The following EML5 variants were observed in gnomAD, a reference collection of about 807,000 sequenced individuals.
EML5 encodes EMAP like 5.
Under a neutral mutation model 250.0 loss-of-function variants are expected in EML5, and 120 were observed. The observed-to-expected ratio is 0.48, with a 90% confidence interval of 0.41 to 0.56. The LOEUF is 0.56. Among genes scored for constraint, EML5 ranks in the 20% least tolerant of loss-of-function variants. The pLI is 0.00. For missense variants in EML5, 2,006 were observed against 2,437.6 expected (o/e 0.82, Z 3.73); for synonymous variants, 771 against 806.5 (o/e 0.96, Z 0.75).
At chr14:88,638,567 C>T (rs1464638805) in intron 32 of EML5, among the ~76,000 whole-genome samples, 1 of 152,224 alleles carries the variant, frequency 6.6e-6, no homozygotes, top group Non-Finnish European at 1.5e-5. Flanking sequence ...CCAACTATTT[C>T]AACTACCATA....
At position 88,618,011 on chromosome 14, in the gene EML5, T is replaced by TAAA. The variant is rs35255737; in HGVS notation, c.5642+214_5642+216dup. On this transcript the variant is annotated intron_variant, in intron 41 of 43. Coordinates refer to ENST00000554922, the MANE Select transcript of EML5 (RefSeq NM_183387.3). ...TTTAAAGTTAAAACTTTGATTTCCTTAAAAAAAAAACTTGATAAATCATGG... is the reference window on the plus strand; with the variant it reads ...TTTAAAGTTAAAACTTTGATTTCCTTAAAAAAAAAAAAACTTGATAAATCATGG... 3.3e-3 allele frequency: 964 copies of TAAA among 288,524 alleles called. 1 individual carries two copies. Among genetic ancestry groups the TAAA allele is most frequent in the South Asian group, 9.3e-3 (89 of 9,600 alleles). 17.9% of individuals were successfully genotyped at this position (288,524 alleles called of 1,614,324 possible). A position where few individuals can be genotyped will look rare whatever the true frequency, so the allele number is the denominator to read the frequency against.
At chr14:88,692,781 T>C (rs756233305) in intron 17 of EML5, among the ~76,000 whole-genome samples, 1 of 152,254 alleles carries the variant, frequency 6.6e-6, no homozygotes, top group Non-Finnish European at 1.5e-5. Flanking sequence ...TAAACGCATA[T>C]GCTGTTATCT....
At chr14:88,789,342 A>G (rs187587569) in intron 1 of EML5, among the ~76,000 whole-genome samples, 1 of 152,332 alleles carries the variant, frequency 6.6e-6, no homozygotes, top group African/African-American at 2.4e-5. Context: ...CATTGAAACT[A>G]ATTGCCATAT....
chr14:88,625,287 A>ACTTAGCTTTGTCAGG (rs2089749901), intron 35 of EML5, 160 bp from the exon 36 acceptor site: 3 of 746,260 alleles, frequency 4.0e-6, no homozygotes, highest in Non-Finnish European at 6.2e-6. Flanking sequence ...AGGAAACCTG[A>ACTTAGCTTTGTCAGG]ACGGGAGGCT....
intron 1 of EML5, among the ~76,000 whole-genome samples, chr14:88,755,839 A>AAT (rs1566757221): frequency 1.3e-5 from 2 of 151,910 alleles, no homozygotes; most frequent in African/African-American, 4.8e-5. Context: ...CAAAAAAAAA[A>AAT]TTTTTTTTAA....
chr14:88,643,735 C>T (rs1372769050), intron 30 of EML5, among the ~76,000 whole-genome samples: 1 of 152,212 alleles, frequency 6.6e-6, no homozygotes, highest in Admixed American at 6.5e-5. Flanking sequence ...GTACATTCAT[C>T]ATCGGTGGAT....
intron 36 of EML5, 200 bp downstream of exon 36, chr14:88,624,770 C>T: frequency 1.7e-6 from 1 of 598,606 alleles, no homozygotes; most frequent in Non-Finnish European, 2.8e-6. Flanking sequence ...ATCACCCCAA[C>T]ATGAAAAAAA....
At position 88,700,974 on chromosome 14, in the gene EML5, T is replaced by C. The variant is rs555007925; in HGVS notation, c.2238+1472A>G. On this transcript the variant is annotated intron_variant, in intron 14 of 43. Coordinates refer to ENST00000554922, the MANE Select transcript of EML5 (RefSeq NM_183387.3). ...AAGCTGGGTTTTTTTTTGCCCTACT[T>C]TTACAGATGCTGTAATACACTTAGA... 3.9e-5 allele frequency among the ~76,000 whole-genome samples: 6 copies of C among 152,212 alleles called. No individual in the cohort carries two copies. In the East Asian group the frequency reaches 1.2e-3, roughly 29 times the overall value.
chr14:88,778,144 C>A (rs991971335), intron 1 of EML5, among the ~76,000 whole-genome samples: 3 of 151,470 alleles, frequency 2.0e-5, no homozygotes, highest in East Asian at 1.9e-4. Context: ...AATGGATACA[C>A]AAAAAATAAA....
At chr14:88,753,439 T>C (rs893383855) in intron 2 of EML5, among the ~76,000 whole-genome samples, 3 of 152,220 alleles carry the variant, frequency 2.0e-5, no homozygotes, top group African/African-American at 4.8e-5. Context: ...CTGTAATTTG[T>C]TTCTGTAAAA....
rs890981677 is a variant in EML5, at chr14:88,622,814, T to TA, written c.4899-97_4899-96insT. 315 of 761,390 alleles carry TA rather than the reference T, an allele frequency of 4.1e-4. 2 individuals are homozygous for TA. The highest frequency in any genetic ancestry group is 5.8e-4 in the Non-Finnish European group (303 of 520,766). The allele number at this position is 761,390 out of a possible 1,614,324, so 47.2% of individuals were successfully genotyped here. A position where few individuals can be genotyped will look rare whatever the true frequency, so the allele number is the denominator to read the frequency against. On this transcript the variant is annotated intron_variant, in intron 36 of 43. Transcript: ENST00000554922. ...AAGTTATAAGCAGAATCTTTTTTTT[T>TA]TAAAAAGGCCCTGATATTTATAATT...
In EML5 at chr14:88,664,552, C is replaced by T; in HGVS notation, c.3350G>A (p.Arg1117Gln). The T allele has an allele frequency of 6.2e-7, 1 of 1,611,096 alleles. No individual in the cohort carries two copies. Among genetic ancestry groups the T allele is most frequent in the Non-Finnish European group, 8.5e-7 (1 of 1,178,804 alleles). The change falls in exon 23 of 44, where the codon CGA becomes CAA. Residue 1117 changes from arginine to glutamine, a missense_variant. Physicochemically the swap from Arg to Gln is conservative, Grantham distance 43. Coordinates refer to ENST00000554922, the MANE Select transcript of EML5 (RefSeq NM_183387.3). ...GGTAGCTCCTTTGCATATTCCTACT[C>T]GTTTACTACTCATTACATTGTATAT... is the stretch of plus-strand genomic sequence containing the variant. ...IDIYNVMSSK[R>Q]VGICKGATSY...
chr14:88,689,970 TTAAG>T (rs2092920881), intron 17 of EML5, among the ~76,000 whole-genome samples: 1 of 151,932 alleles, frequency 6.6e-6, no homozygotes, highest in African/African-American at 2.4e-5. Flanking sequence ...GGAGTCCACT[TTAAG>T]TAGGGTGGTT....
chr14:88,640,335 T>C (rs1319998304), intron 31 of EML5, among the ~76,000 whole-genome samples: 6 of 152,042 alleles, frequency 3.9e-5, no homozygotes, highest in Admixed American at 3.9e-4. Flanking sequence ...TTCAAGAAAA[T>C]TGAAATCATC....
At chr14:88,749,369 C>A (rs180805280) in intron 2 of EML5, among the ~76,000 whole-genome samples, 1 of 152,130 alleles carries the variant, frequency 6.6e-6, no homozygotes, top group Non-Finnish European at 1.5e-5. Context: ...AAAACAAAGT[C>A]TTTTTCAAGC....
rs2093315834 is a variant in EML5 at position 88,706,248 on chromosome 14, A to G, written c.1825+11T>C. On this transcript the variant is annotated intron_variant, in intron 11 of 43. Coordinates refer to ENST00000554922, the MANE Select transcript of EML5 (RefSeq NM_183387.3). ...GACAGGGAAACTGTTTAGCTAATGC[A>G]TACTACTCACCTTGGGGTGCTATGT... 6.3e-7 allele frequency: 1 copy of G among 1,582,754 alleles called. No individual in the cohort carries two copies. The highest frequency in any genetic ancestry group is 2.3e-5 in the East Asian group (1 of 44,182).
intron 2 of EML5, among the ~76,000 whole-genome samples, chr14:88,751,870 T>C (rs546886893): frequency 5.3e-4 from 81 of 152,238 alleles, no homozygotes; most frequent in Non-Finnish European, 9.3e-4. Flanking sequence ...AAAATCTTAT[T>C]TGTGTCCATT....
At chr14:88,724,412 G>T (rs991099679) in intron 8 of EML5, among the ~76,000 whole-genome samples, 1 of 151,786 alleles carries the variant, frequency 6.6e-6, no homozygotes, top group East Asian at 1.9e-4. Context: ...TTAGAATTTT[G>T]TGGTTCACTT....
At chr14:88,680,112 T>C (rs891481054) in intron 21 of EML5, among the ~76,000 whole-genome samples, 3 of 152,214 alleles carry the variant, frequency 2.0e-5, no homozygotes, top group Non-Finnish European at 2.9e-5. Context: ...GCTATACTTA[T>C]ATTATGATTT....
Sources: gnomAD v4.1 joint callset for allele counts (sites outside exome capture counted in the v4.1 genomes callset) on GRCh38, gnomAD v4.1.1 for gene constraint, MANE v1.5 for transcripts, NCBI Gene and HGNC (gene_info 2026-07-23, HGNC 2026-07-21) for gene names.